Variants in CARD8 observed in about 807,000 individuals in gnomAD.
CARD8 encodes caspase recruitment domain family member 8.
Under a neutral mutation model 53.2 loss-of-function variants are expected in CARD8, and 38 were observed. That is an observed-to-expected ratio of 0.71 (90% CI 0.55 to 0.94). CARD8 has a LOEUF of 0.94. Among genes scored for constraint, CARD8 ranks in the 40% least tolerant of loss-of-function variants. The probability of loss-of-function intolerance (pLI) is 0.00; values close to 1 mark genes in which losing one functional copy is unlikely to be tolerated. For synonymous variants in CARD8, 245 were observed against 244.9 expected (o/e 1.00, Z 0.00); for missense variants, 561 against 655.5 (o/e 0.86, Z 1.57).
At position 48,221,751 on chromosome 19, in the gene CARD8, A is replaced by G. The variant is rs1169273708; in HGVS notation, c.1140T>C (p.Ala380=). ...FGSSYIVSNS[A]NLKVMPKELK... ...TAACCTTGGGCATTACTTTCAGGTT[A>G]GCAGAATTAGACACAATATAACTGG... Residue 380 remains alanine, a synonymous_variant, in exon 11 of 14, where the codon GCT becomes GCC. Coordinates refer to ENST00000651546, the MANE Select transcript of CARD8 (RefSeq NM_001184900.3). The G allele has an allele frequency of 2.5e-6, 4 of 1,600,240 alleles. No homozygotes were observed. The African/African-American group carries it at 4.0e-5, about 16-fold the overall frequency.
At chr19:48,233,250 C>A (rs917062213) in intron 6 of CARD8, 14 of 442,330 alleles carry the variant, frequency 3.2e-5, no homozygotes, top group Non-Finnish European at 5.9e-5. Context: ...TGGAGAGAAA[C>A]CTGCCCTAAC....
At position 48,241,034 on chromosome 19, in the gene CARD8, T is replaced by C. The variant is rs1166579087; in HGVS notation, c.-14A>G. ...CTTTTTTTCCATTTGTCAAATGTGG[T>C]ATTTATGTCTTTACTGTATCTTTTT... On this transcript the variant is annotated 5_prime_UTR_variant, in exon 4 of 14. It adds an upstream start codon to the 5' untranslated region. Transcript: ENST00000651546. The C allele has an allele frequency of 6.5e-7, 1 of 1,532,618 alleles. No homozygotes were observed. Among genetic ancestry groups the C allele is most frequent in the Admixed American group, 2.0e-5 (1 of 50,990 alleles). 94.9% of individuals were successfully genotyped at this position (1,532,618 alleles called of 1,614,324 possible). A position where few individuals can be genotyped will look rare whatever the true frequency, so the allele number is the denominator to read the frequency against.
intron 1 of CARD8, among the ~76,000 whole-genome samples, chr19:48,253,394 C>A (rs1217234597): frequency 6.6e-6 from 1 of 152,128 alleles, no homozygotes; most frequent in East Asian, 1.9e-4. Flanking sequence ...CAACATTTAT[C>A]ATTTTAAATA....
intron 10 of CARD8, among the ~76,000 whole-genome samples, chr19:48,222,261 T>G (rs898990754): frequency 2.0e-5 from 3 of 152,202 alleles, no homozygotes; most frequent in Non-Finnish European, 4.4e-5. Context: ...AACACGTCTA[T>G]GATGGACAAG....
intron 5 of CARD8, among the ~76,000 whole-genome samples, chr19:48,236,469 C>G (rs1196989254): frequency 6.6e-6 from 1 of 152,134 alleles, no homozygotes; most frequent in African/African-American, 2.4e-5. Context: ...CCGCCCTGGC[C>G]TCCCAAAGTC....
intron 3 of CARD8, among the ~76,000 whole-genome samples, chr19:48,245,752 ATTATATATAAAATAATTG>A (rs1171867421): frequency 1.3e-5 from 2 of 149,066 alleles, no homozygotes; most frequent in Admixed American, 1.3e-4. Flanking sequence ...ATATAATTGT[ATTATATATAAAATAATTG>A]TTATATATAA....
At chr19:48,255,153 G>A (rs111996799) in intron 1 of CARD8, among the ~76,000 whole-genome samples, 4 of 152,318 alleles carry the variant, frequency 2.6e-5, no homozygotes, top group African/African-American at 7.2e-5. Flanking sequence ...TGATCTCGAG[G>A]TCAAGAGACG....
In CARD8 at chr19:48,240,891, A is replaced by G. The variant is rs2146663731; in HGVS notation, c.59+71T>C. ...CCAGAAAACATCCATGGTCCTCTGT[A>G]TCTCATGAACTATAACGAAACACAG... On this transcript the variant is annotated intron_variant, in intron 4 of 13. Coordinates refer to ENST00000651546, the MANE Select transcript of CARD8 (RefSeq NM_001184900.3). 3.5e-6 allele frequency: 4 copies of G among 1,151,596 alleles called. No homozygotes were observed. In the South Asian group the frequency reaches 4.0e-5, roughly 11 times the overall value. The allele number at this position is 1,151,596 out of a possible 1,614,324, so 71.3% of individuals were successfully genotyped here. A position where few individuals can be genotyped will look rare whatever the true frequency, so the allele number is the denominator to read the frequency against.
intron 12 of CARD8, among the ~76,000 whole-genome samples, chr19:48,217,095 A>T (rs1265070602): frequency 6.6e-5 from 10 of 152,036 alleles, no homozygotes; most frequent in African/African-American, 2.4e-4. Context: ...ACGAGAATGT[A>T]ATGCCACCAC....
chr19:48,219,453 C>T (rs1372182776), intron 11 of CARD8, among the ~76,000 whole-genome samples: 1 of 152,038 alleles, frequency 6.6e-6, no homozygotes, highest in Non-Finnish European at 1.5e-5. Flanking sequence ...ACCCAGTCTC[C>T]CCAGGATTCC....
chr19:48,207,396 G>A (rs148797395), downstream of CARD8, among the ~76,000 whole-genome samples: 2 of 152,098 alleles, frequency 1.3e-5, no homozygotes, highest in East Asian at 3.9e-4. Flanking sequence ...CTAACCAACA[G>A]CAGAACTTAC....
chr19:48,212,499 A>C (rs907163772), intron 13 of CARD8, among the ~76,000 whole-genome samples: 2 of 152,162 alleles, frequency 1.3e-5, no homozygotes, highest in African/African-American at 4.8e-5. Flanking sequence ...CATCATGTAG[A>C]CTCAGGGTTT....
At chr19:48,232,899 T>C in intron 6 of CARD8, 1 of 412,092 alleles carries the variant, frequency 2.4e-6, no homozygotes, top group East Asian at 6.9e-5. Context: ...CTCTCCTTCT[T>C]CTCTTTGTAT....
chr19:48,245,040 G>A lies in CARD8; in HGVS notation c.-43-3977C>T, dbSNP rs192661759. 1.3e-3 allele frequency among the ~76,000 whole-genome samples: 192 copies of A among 152,290 alleles called. 1 individual carries two copies. Among genetic ancestry groups the A allele is most frequent in the African/African-American group, 4.4e-3 (183 of 41,562 alleles). On this transcript the variant is annotated intron_variant, in intron 3 of 13. Transcript: ENST00000651546. ...AAATACCAAGACCTTCCCTATTTAA[G>A]TTAAAATATCGGAAGCTTATTCCAA...
At position 48,231,726 on chromosome 19, in the gene CARD8, C is replaced by A. The variant is rs777557240; in HGVS notation, c.476G>T (p.Arg159Leu). Residue 159 changes from arginine (R) to leucine (L), a missense_variant, in exon 8 of 14, where the codon CGT becomes CTT. Transcript: ENST00000651546. ...CFEIEEDYKN[R>L]QFLGPEGNVD... is the part of the protein sequence containing the mutation. ...ATTTCCTTCAGGCCCCAGAAACTGA[C>A]GATTTTTATAATCTTCTTCGATCTC... 2 of 1,613,416 alleles carry A rather than the reference C, an allele frequency of 1.2e-6. No individual in the cohort carries two copies. The highest frequency in any genetic ancestry group is 1.7e-6 in the Non-Finnish European group (2 of 1,179,770).
At chr19:48,233,183 T>C (rs1466982129) in intron 6 of CARD8, 1 of 365,880 alleles carries the variant, frequency 2.7e-6, no homozygotes, top group African/African-American at 2.1e-5. Flanking sequence ...GTGATTCCAA[T>C]ATTAGCCAAT....
chr19:48,204,102 C>G (rs1203121028), downstream of CARD8: 18 of 451,178 alleles, frequency 4.0e-5, no homozygotes, highest in Admixed American at 3.6e-4. Context: ...CCGCTTGGAT[C>G]TCCTTGTCCA....
intron 5 of CARD8, chr19:48,238,139 C>T (rs1476490834): frequency 4.3e-5 from 21 of 486,132 alleles, no homozygotes; most frequent in South Asian, 1.4e-4. Flanking sequence ...GATCCACCTG[C>T]CCTCGCCTCC....
In CARD8 at chr19:48,208,946, T is replaced by C. The variant is rs1274775297; in HGVS notation, c.*2764A>G. On this transcript the variant is annotated 3_prime_UTR_variant, in exon 14 of 14. Coordinates refer to ENST00000651546, the MANE Select transcript of CARD8 (RefSeq NM_001184900.3). ...CTGCAGTGAGCTGAGATCACACCACTGCACTCCAGCCTAGATGACAGAGCG... is the reference window on the plus strand; with the variant it reads ...CTGCAGTGAGCTGAGATCACACCACCGCACTCCAGCCTAGATGACAGAGCG... 8.0e-6 allele frequency: 1 copy of C among 124,770 alleles called. No homozygotes were observed. The highest frequency in any genetic ancestry group is 1.6e-5 in the Non-Finnish European group (1 of 63,866). 7.7% of individuals were successfully genotyped at this position (124,770 alleles called of 1,614,324 possible).
Sources: allele counts gnomAD v4.1 joint callset (sites outside exome capture counted in the v4.1 genomes callset), GRCh38; gene constraint gnomAD v4.1.1; transcripts MANE v1.5; gene names NCBI Gene and HGNC (gene_info 2026-07-23, HGNC 2026-07-21).